Variants in TMEM233 observed in about 807,000 individuals in gnomAD.
TMEM233 encodes the protein transmembrane protein 233.
In TMEM233, 6 loss-of-function variants were observed where a neutral mutation model predicts 11.2. The ratio of observed to expected loss-of-function variants is 0.54; its 90% confidence interval spans 0.29 to 1.06. The LOEUF (loss-of-function observed/expected upper bound fraction) is 1.06, where lower values mean the gene tolerates loss of function less well. Among genes scored for constraint, TMEM233 ranks in the 50% least tolerant of loss-of-function variants. TMEM233 has a pLI of 0.08. For missense variants in TMEM233, 127 were observed against 144.7 expected (o/e 0.88, Z 0.63); for synonymous variants, 59 against 55.8 (o/e 1.06, Z -0.26).
intron 1 of TMEM233, among the ~76,000 whole-genome samples, chr12:119,627,627 C>G (rs887840346): frequency 6.6e-6 from 1 of 152,158 alleles, no homozygotes; most frequent in Non-Finnish European, 1.5e-5. Flanking sequence ...AGGGAGGGCA[C>G]CAAGCCATTA....
At chr12:119,598,690 TACCTGTCTAGAGA>T (rs1193619110) in intron 1 of TMEM233, among the ~76,000 whole-genome samples, 3 of 152,220 alleles carry the variant, frequency 2.0e-5, no homozygotes, top group Non-Finnish European at 4.4e-5. Context: ...ATGTCTTACA[TACCTGTCTAGAGA>T]ACCTGTCTAG....
Position 119,640,856 on chromosome 12 carries a change from G to C in TMEM233, c.*151G>C. The C allele has an allele frequency of 2.5e-4, 100 of 392,776 alleles. No homozygotes were observed. Among genetic ancestry groups the C allele is most frequent in the East Asian group, 4.2e-4 (9 of 21,360 alleles). The allele number at this position is 392,776 out of a possible 1,614,324, so 24.3% of individuals were successfully genotyped here. On this transcript the variant is annotated 3_prime_UTR_variant, in exon 3 of 3. Transcript: ENST00000426426. ...AGGCAGGTCCCTGGCAAATGAACAA[G>C]AAAAAAAAAAAAAAAAAGTCCAAAA...
In TMEM233 at chr12:119,634,867, A is replaced by G. The variant is rs575664037; in HGVS notation, c.323+4995A>G. On this transcript the variant is annotated intron_variant, in intron 2 of 2. Coordinates refer to ENST00000426426, the MANE Select transcript of TMEM233 (RefSeq NM_001136534.3). ...ATTCGTCCTATTTTACAGGATATCT[A>G]TGTAAGCCACATGGTGGCTGGGGCA... Among the ~76,000 whole-genome samples the G allele has an allele frequency of 2.6e-5, 4 of 152,322 alleles. No individual in the cohort carries two copies. In the South Asian group the frequency reaches 8.3e-4, roughly 32 times the overall value.
chr12:119,617,305 A>C (rs1302406801), intron 1 of TMEM233, among the ~76,000 whole-genome samples: 1 of 152,222 alleles, frequency 6.6e-6, no homozygotes, highest in Non-Finnish European at 1.5e-5. Context: ...AATGAAGTCC[A>C]GGCTAAGGTG....
At chr12:119,628,200 C>T (rs1043245189) in intron 1 of TMEM233, among the ~76,000 whole-genome samples, 2 of 151,726 alleles carry the variant, frequency 1.3e-5, no homozygotes, top group Non-Finnish European at 2.9e-5. Flanking sequence ...CTCTTGTTGC[C>T]CAGGCTGGAG....
chr12:119,626,546 GAA>G (rs1954768587), intron 1 of TMEM233, among the ~76,000 whole-genome samples: 59 of 65,346 alleles, frequency 9.0e-4, no homozygotes, highest in African/African-American at 2.3e-3. Flanking sequence ...AGGGAGAAGA[GAA>G]GAGAAGAGAA....
intron 1 of TMEM233, among the ~76,000 whole-genome samples, chr12:119,621,015 G>A (rs2136740098): frequency 6.6e-6 from 1 of 150,490 alleles, no homozygotes; most frequent in East Asian, 2.0e-4. Flanking sequence ...TGAGTAGCTG[G>A]GACTACAGGT....
intron 1 of TMEM233, among the ~76,000 whole-genome samples, chr12:119,601,041 T>G (rs1399713483): frequency 6.6e-6 from 1 of 152,088 alleles, no homozygotes. Context: ...AATTTGATAC[T>G]CATTCCCAGA....
Position 119,615,173 on chromosome 12 carries a change from T to TAAAAAAAAAAAA in TMEM233, c.187-14541_187-14530dup, listed in dbSNP as rs60318959. ...AGGTCTCAGTCTACCCGCTTTCTGC[T>TAAAAAAAAAAAA]AAAAAAAAAAAAAAAAAAAAAAAAA... is the stretch of plus-strand genomic sequence containing the variant. On this transcript the variant is annotated intron_variant, in intron 1 of 2. Coordinates refer to ENST00000426426, the MANE Select transcript of TMEM233 (RefSeq NM_001136534.3). 3.9e-4 allele frequency among the ~76,000 whole-genome samples: 22 copies of TAAAAAAAAAAAA among 56,196 alleles called. 1 individual carries two copies. Among genetic ancestry groups the TAAAAAAAAAAAA allele is most frequent in the African/African-American group, 1.3e-3 (18 of 13,744 alleles). The allele number at this position is 56,196 out of a possible 152,430, so 36.9% of individuals were successfully genotyped here.
the TMEM233 span, among the ~76,000 whole-genome samples, chr12:119,649,229 C>A: frequency 6.6e-6 from 1 of 151,880 alleles, no homozygotes; most frequent in Non-Finnish European, 1.5e-5. Flanking sequence ...ACCCAGGTGG[C>A]GGAGGTTGCA....
downstream of TMEM233, among the ~76,000 whole-genome samples, chr12:119,645,950 T>C (rs1181108857): frequency 6.6e-6 from 1 of 152,110 alleles, no homozygotes; most frequent in African/African-American, 2.4e-5. Context: ...TCTGCCTATA[T>C]AGAAATGGCC....
chr12:119,608,471 A>G (rs1171868307), intron 1 of TMEM233, among the ~76,000 whole-genome samples: 1 of 152,230 alleles, frequency 6.6e-6, no homozygotes, highest in African/African-American at 2.4e-5. Context: ...TTTCAATGAG[A>G]AGGAAAATGA....
intron 1 of TMEM233, 74 bp from the exon 2 acceptor site, chr12:119,629,662 G>C (rs1335726983): frequency 6.9e-7 from 1 of 1,446,132 alleles, no homozygotes; most frequent in African/African-American, 1.4e-5. Flanking sequence ...CTTTTCATCA[G>C]GACAGCCTGA....
intron 1 of TMEM233, among the ~76,000 whole-genome samples, chr12:119,613,009 G>A (rs953876431): frequency 6.2e-4 from 94 of 151,874 alleles, no homozygotes; most frequent in African/African-American, 2.2e-3. Flanking sequence ...TGTGCACAAC[G>A]TGCAGGCTTG....
chr12:119,604,072 T>C (rs2519537), intron 1 of TMEM233, among the ~76,000 whole-genome samples: 7,340 of 152,310 alleles, frequency 0.048, 208 homozygotes, highest in East Asian at 0.086. Flanking sequence ...AATTTGTCTT[T>C]ATTCTCAGCT....
intron 1 of TMEM233, among the ~76,000 whole-genome samples, chr12:119,624,995 C>G (rs1045105568): frequency 6.6e-6 from 1 of 152,092 alleles, no homozygotes; most frequent in Non-Finnish European, 1.5e-5. Flanking sequence ...AGCTGGAGAA[C>G]TCCAGAATTC....
rs369786108 is a variant in TMEM233 at position 119,594,110 on chromosome 12, C to A, written c.186+76C>A. 9 of 1,426,872 alleles carry A rather than the reference C, an allele frequency of 6.3e-6. No individual in the cohort carries two copies. In the East Asian group the frequency reaches 7.5e-5, roughly 12 times the overall value. 88.4% of individuals were successfully genotyped at this position (1,426,872 alleles called of 1,614,324 possible). ...TTGAGCCCCTGCAGGGGAGTCCGCGCGCTCTCTGCGGCTCCCTTCCTCACG... is the reference window on the plus strand; with the variant it reads ...TTGAGCCCCTGCAGGGGAGTCCGCGAGCTCTCTGCGGCTCCCTTCCTCACG... On this transcript the variant is annotated intron_variant, in intron 1 of 2. Coordinates refer to ENST00000426426, the MANE Select transcript of TMEM233 (RefSeq NM_001136534.3). This position sits in a 1 kb window ranked among gnomAD's most constrained non-coding sequence, Gnocchi z 5.6.
chr12:119,643,521 C>G (rs1566117897), downstream of TMEM233, among the ~76,000 whole-genome samples: 1 of 152,228 alleles, frequency 6.6e-6, no homozygotes, highest in Non-Finnish European at 1.5e-5. Context: ...GTAATCCCAG[C>G]ACTTCGGGAG....
chr12:119,614,947 T>A (rs1298586303), intron 1 of TMEM233, among the ~76,000 whole-genome samples: 1 of 151,692 alleles, frequency 6.6e-6, no homozygotes, highest in East Asian at 1.9e-4. Flanking sequence ...ATCTCATCTC[T>A]CTCCTCTCTC....
Sources: allele counts gnomAD v4.1 joint callset (sites outside exome capture counted in the v4.1 genomes callset), GRCh38; gene constraint gnomAD v4.1.1; non-coding constraint Gnocchi (gnomAD v3.1); transcripts MANE v1.5; gene names NCBI Gene and HGNC (gene_info 2026-07-23, HGNC 2026-07-21).